ZP3: variants seen among roughly 807,000 people sequenced by gnomAD.
The protein encoded by ZP3 is zona pellucida glycoprotein 3.
ZP3 carries 21 observed loss-of-function variants against 35.6 expected under a neutral mutation model. The ratio of observed to expected loss-of-function variants is 0.59; its 90% CI spans 0.42 to 0.85. The LOEUF (loss-of-function observed/expected upper bound fraction) is 0.85, where lower values mean the gene tolerates loss of function less well. ZP3 is among the 40% of genes least tolerant of loss of function. The probability of loss-of-function intolerance (pLI) is 0.00; values close to 1 mark genes in which losing one functional copy is unlikely to be tolerated. For synonymous variants in ZP3, 207 were observed against 214.5 expected, an observed-to-expected ratio of 0.96 and a Z score of 0.31; for missense variants, 437 against 536.5, an observed-to-expected ratio of 0.81 and a Z score of 1.83.
At chr7:76,427,829 C>T (rs1805711478) in intron 1 of ZP3, among the ~76,000 whole-genome samples, 1 of 152,108 alleles carries the variant, frequency 6.6e-6, no homozygotes, top group Admixed American at 6.6e-5. Flanking sequence ...ACTACAGGCA[C>T]ATGCCACCGT....
At chr7:76,401,821 C>T (rs904043864) in intron 1 of ZP3, among the ~76,000 whole-genome samples, 3 of 152,198 alleles carry the variant, frequency 2.0e-5, no homozygotes, top group African/African-American at 7.2e-5. Flanking sequence ...CTGGACACCA[C>T]ATACCCAGGC....
chr7:76,430,019 C>G lies in ZP3; in HGVS notation c.431+386C>G, dbSNP rs183286213. On this transcript the variant is annotated intron_variant, in intron 2 of 7. Transcript: ENST00000394857. ...GTGGATCGCTTGAGGTCAAGGAGTT[C>G]AAGACCAGTCTGGCCTACATGGTGA... 1.4e-4 allele frequency among the ~76,000 whole-genome samples: 22 copies of G among 152,152 alleles called. No individual in the cohort carries two copies. The East Asian group carries it at 2.9e-3, about 20-fold the overall frequency.
chr7:76,403,041 G>A (rs141885437), intron 1 of ZP3, among the ~76,000 whole-genome samples: 264 of 152,302 alleles, frequency 1.7e-3, no homozygotes, highest in African/African-American at 5.9e-3. Flanking sequence ...TACAGACAGG[G>A]CAACTTCAGG....
chr7:76,436,037 T>TCC (rs1805994229), intron 5 of ZP3, among the ~76,000 whole-genome samples: 5 of 15,470 alleles, frequency 3.2e-4, no homozygotes, highest in African/African-American at 1.8e-3. Context: ...CCCCTTTTTT[T>TCC]TTTTTTTTTT....
At chr7:76,431,377 G>C (rs1422997501) in intron 2 of ZP3, among the ~76,000 whole-genome samples, 1 of 152,192 alleles carries the variant, frequency 6.6e-6, no homozygotes, top group Non-Finnish European at 1.5e-5. Context: ...GGTAGTATTA[G>C]AGAGGCTGGT....
chr7:76,403,046 T>C (rs1804880363), intron 1 of ZP3, among the ~76,000 whole-genome samples: 1 of 152,192 alleles, frequency 6.6e-6, no homozygotes, highest in African/African-American at 2.4e-5. Context: ...ACAGGGCAAC[T>C]TCAGGGTTAG....
intron 1 of ZP3, among the ~76,000 whole-genome samples, chr7:76,413,221 A>T (rs2115843567): frequency 6.6e-6 from 1 of 151,668 alleles, no homozygotes; most frequent in South Asian, 2.1e-4. Context: ...TCGGCCTCCC[A>T]AAGTGCTGGG....
At position 76,424,985 on chromosome 7, in the gene ZP3, C is replaced by G. The variant is rs373904061; in HGVS notation, c.21C>G (p.Leu7=). 2.6e-6 allele frequency: 4 copies of G among 1,547,128 alleles called. No individual in the cohort carries two copies. The highest frequency in any genetic ancestry group is 1.4e-5 in the African/African-American group (1 of 73,340). The change falls in exon 1 of 8, where the codon CTC becomes CTG. Residue 7 remains leucine, a synonymous_variant. Coordinates refer to ENST00000394857, the MANE Select transcript of ZP3 (RefSeq NM_001110354.2). ...GTACCATGGAGCTGAGCTATAGGCT[C>G]TTCATCTGCCTCCTGCTCTGGGGTA... MELSYR[L]FICLLLWGST... is the part of the protein sequence containing the mutation.
intron 1 of ZP3, among the ~76,000 whole-genome samples, chr7:76,400,027 G>A (rs75006989): frequency 0.17 from 26,504 of 152,114 alleles, 2,567 homozygotes; most frequent in South Asian, 0.25. Context: ...AAGGGAGAGG[G>A]GCTCTGCTGG....
At chr7:76,430,016 G>A (rs1179351956) in intron 2 of ZP3, among the ~76,000 whole-genome samples, 1 of 152,068 alleles carries the variant, frequency 6.6e-6, no homozygotes, top group Non-Finnish European at 1.5e-5. Flanking sequence ...AGGTCAAGGA[G>A]TTCAAGACCA....
rs201143080 is a variant in ZP3, at chr7:76,412,962, C to CTTTTTTTTTTTT, written c.-66-12088_-66-12087insTTTTTTTTTTTT. On this transcript the variant is annotated intron_variant, in intron 1 of 8. Coordinates refer to the ZP3 transcript ENST00000336517. ...CTTTCTTCTTTGTCTTCTTCTTCTT[C>CTTTTTTTTTTTT]TTCTTTTTTTTTTTTTTTGAGACGG... Among the ~76,000 whole-genome samples, 7 of 113,760 alleles carry CTTTTTTTTTTTT rather than the reference C, an allele frequency of 6.2e-5. 1 individual carries two copies. The highest frequency in any genetic ancestry group is 9.9e-5 in the Admixed American group (1 of 10,058). 74.6% of individuals were successfully genotyped at this position (113,760 alleles called of 152,430 possible).
At chr7:76,433,676 C>T (rs1327967588) in intron 4 of ZP3, 29 bp downstream of exon 4, 5 of 1,568,986 alleles carry the variant, frequency 3.2e-6, no homozygotes, top group Non-Finnish European at 4.3e-6. Flanking sequence ...GCCTAGAGAA[C>T]CTTCCTAGCA....
chr7:76,423,840 C>T (rs1195005497), upstream of ZP3, among the ~76,000 whole-genome samples: 1 of 150,932 alleles, frequency 6.6e-6, no homozygotes, highest in Non-Finnish European at 1.5e-5. Context: ...CCAGCCTGGG[C>T]AACAGAGTGA....
intron 1 of ZP3, among the ~76,000 whole-genome samples, chr7:76,404,728 C>T (rs1379234266): frequency 2.6e-5 from 4 of 151,746 alleles, no homozygotes; most frequent in African/African-American, 4.8e-5. Flanking sequence ...CCCAGGAGAT[C>T]GAGATATAGC....
At chr7:76,439,785 G>GT (rs1369739482) in intron 5 of ZP3, 1 of 190,334 alleles carries the variant, frequency 5.3e-6, no homozygotes, top group Non-Finnish European at 1.1e-5. Context: ...TCTAAAACTA[G>GT]TTGCTACTTG....
chr7:76,421,880 C>T (rs936911084), upstream of ZP3, among the ~76,000 whole-genome samples: 9 of 150,960 alleles, frequency 6.0e-5, no homozygotes, highest in South Asian at 6.3e-4. Flanking sequence ...TGATAGGACC[C>T]TTGCAGTAGA....
At chr7:76,415,380 G>T (rs1395675886) in intron 1 of ZP3, among the ~76,000 whole-genome samples, 1 of 95,338 alleles carries the variant, frequency 1.0e-5, no homozygotes, top group Admixed American at 1.0e-4. Flanking sequence ...AAAAAAAAAA[G>T]GTCTGGAATG....
chr7:76,413,160 A>G (rs1180415545), intron 1 of ZP3, among the ~76,000 whole-genome samples: 1 of 150,236 alleles, frequency 6.7e-6, no homozygotes, highest in East Asian at 2.0e-4. Flanking sequence ...ACGGGGTTTC[A>G]TCATGTTGGC....
upstream of ZP3, among the ~76,000 whole-genome samples, chr7:76,421,295 G>A (rs1805499820): frequency 6.6e-6 from 1 of 151,664 alleles, no homozygotes; most frequent in Admixed American, 6.6e-5. Flanking sequence ...GCAGTAGCAT[G>A]ATCATGACTC....
Sources: gnomAD v4.1 joint callset for allele counts (sites outside exome capture counted in the v4.1 genomes callset) on GRCh38, gnomAD v4.1.1 for gene constraint, MANE v1.5 for transcripts, NCBI Gene and HGNC (gene_info 2026-07-23, HGNC 2026-07-21) for gene names.